The following NOX4 variants were observed in gnomAD, a reference collection of about 807,000 sequenced individuals.
The protein encoded by NOX4 is NADPH oxidase 4, also known as kidney oxidase-1.
NOX4 carries 69 observed loss-of-function variants against 87.6 expected under a neutral mutation model. The observed-to-expected ratio is 0.79, with a 90% CI of 0.65 to 0.96. The LOEUF is 0.96. NOX4 is among the 40% of genes least tolerant of loss of function. The probability of loss-of-function intolerance (pLI) is 0.00; values close to 1 mark genes in which losing one functional copy is unlikely to be tolerated. For synonymous variants in NOX4, 275 were observed against 238.2 expected (o/e 1.15, Z -1.42); for missense variants, 680 against 681.5 (o/e 1.00, Z 0.02).
At chr11:89,398,146 G>T (rs1358213896) in intron 11 of NOX4, among the ~76,000 whole-genome samples, 2 of 150,920 alleles carry the variant, frequency 1.3e-5, no homozygotes, top group African/African-American at 4.9e-5. Context: ...TCCCTGGGAT[G>T]CAAGGCTGGT....
chr11:89,507,799 G>C, the NOX4 span, among the ~76,000 whole-genome samples: 1 of 151,724 alleles, frequency 6.6e-6, no homozygotes. Context: ...TTCAGGATAG[G>C]TAAGCTTCTA....
intron 13 of NOX4, among the ~76,000 whole-genome samples, chr11:89,343,191 T>G (rs1250662670): frequency 6.6e-6 from 1 of 152,158 alleles, no homozygotes; most frequent in African/African-American, 2.4e-5. Context: ...GACAAATAAC[T>G]TTTCCTCTCT....
chr11:89,481,121 C>A (rs1253595900), intron 2 of NOX4, among the ~76,000 whole-genome samples: 2 of 151,936 alleles, frequency 1.3e-5, no homozygotes, highest in African/African-American at 4.8e-5. Context: ...TATTAAGCAC[C>A]CTTGTGAGCA....
At chr11:89,420,016 T>TA (rs1184649727) in intron 8 of NOX4, among the ~76,000 whole-genome samples, 1 of 152,066 alleles carries the variant, frequency 6.6e-6, no homozygotes, top group Non-Finnish European at 1.5e-5. Context: ...GCAGTAAAGA[T>TA]AAAGGCATTT....
intron 2 of NOX4, among the ~76,000 whole-genome samples, chr11:89,462,058 A>G (rs1945494104): frequency 6.6e-6 from 1 of 152,142 alleles, no homozygotes; most frequent in East Asian, 1.9e-4. Flanking sequence ...AAAGAAAGCT[A>G]GCTAACTGCA....
At chr11:89,588,334 C>G in the NOX4 span, among the ~76,000 whole-genome samples, 1 of 152,026 alleles carries the variant, frequency 6.6e-6, no homozygotes, top group African/African-American at 2.4e-5. Flanking sequence ...TTTTTTTAAC[C>G]AGGCTTTCAA....
In NOX4 at chr11:89,335,876, A is replaced by G. The variant is rs1200062449; in HGVS notation, c.1585T>C (p.Leu529=). 1.9e-6 allele frequency: 3 copies of G among 1,601,000 alleles called. No homozygotes were observed. Among genetic ancestry groups the G allele is most frequent in the East Asian group, 2.3e-5 (1 of 44,430 alleles). ...LFIGRPRWKL[L]FDEIAKYNRG... ...TTATATTTTGCTATTTCATCAAACAAAAGTTTCCACCGAGGACGTCCTATA... is the reference window on the plus strand; with the variant it reads ...TTATATTTTGCTATTTCATCAAACAGAAGTTTCCACCGAGGACGTCCTATA... Residue 529 remains leucine (L), a synonymous_variant, in exon 17 of 18, where the codon TTG becomes CTG. Coordinates refer to ENST00000263317, the MANE Select transcript of NOX4 (RefSeq NM_016931.5).
At chr11:89,401,163 T>C (rs1210749876) in intron 9 of NOX4, among the ~76,000 whole-genome samples, 1 of 152,048 alleles carries the variant, frequency 6.6e-6, no homozygotes, top group African/African-American at 2.4e-5. Flanking sequence ...ACTTTAGTTG[T>C]TTCAAATCTT....
At chr11:89,368,496 T>G (rs1939187407) in intron 12 of NOX4, among the ~76,000 whole-genome samples, 1 of 152,114 alleles carries the variant, frequency 6.6e-6, no homozygotes, top group Admixed American at 6.6e-5. Flanking sequence ...GGTGCCTTAC[T>G]GCTGTGTCCT....
At chr11:89,493,255 GGCGCCTGTAGTCCCA>G, upstream of NOX4, among the ~76,000 whole-genome samples, 1 of 152,214 alleles carries the variant, frequency 6.6e-6, no homozygotes, top group Non-Finnish European at 1.5e-5. Flanking sequence ...CGTGGTGGCA[GGCGCCTGTAGTCCCA>G]GCTATTCAGG....
the NOX4 span, among the ~76,000 whole-genome samples, chr11:89,556,530 G>A: frequency 1.3e-5 from 2 of 151,582 alleles, no homozygotes; most frequent in East Asian, 2.0e-4. Context: ...CAAGGGGAAG[G>A]GAGGGGAAGG....
At chr11:89,380,494 A>G (rs1035029047) in intron 11 of NOX4, among the ~76,000 whole-genome samples, 1 of 152,142 alleles carries the variant, frequency 6.6e-6, no homozygotes, top group Non-Finnish European at 1.5e-5. Context: ...AGGGAGCAGT[A>G]GCTAGAAGGG....
intron 2 of NOX4, among the ~76,000 whole-genome samples, chr11:89,461,464 G>T (rs1406499176): frequency 6.6e-6 from 1 of 151,784 alleles, no homozygotes; most frequent in Non-Finnish European, 1.5e-5. Flanking sequence ...CTAAGACAGT[G>T]AAACTCCGTC....
the NOX4 span, among the ~76,000 whole-genome samples, chr11:89,539,247 C>T: frequency 1.3e-5 from 2 of 152,070 alleles, no homozygotes; most frequent in African/African-American, 4.8e-5. Flanking sequence ...TCCTGGCTAA[C>T]ACGATGAAAA....
At chr11:89,410,903 G>C (rs1169323511) in intron 8 of NOX4, among the ~76,000 whole-genome samples, 2 of 152,118 alleles carry the variant, frequency 1.3e-5, no homozygotes, top group African/African-American at 4.8e-5. Context: ...AGCCAAGAGA[G>C]TGCTTGCACC....
At chr11:89,348,991 A>G (rs1335174492) in intron 13 of NOX4, among the ~76,000 whole-genome samples, 1 of 152,128 alleles carries the variant, frequency 6.6e-6, no homozygotes, top group Non-Finnish European at 1.5e-5. Context: ...TTACTATTAT[A>G]AACAAAAATA....
intron 2 of NOX4, among the ~76,000 whole-genome samples, chr11:89,452,826 T>C (rs1280366780): frequency 6.6e-6 from 1 of 152,142 alleles, no homozygotes; most frequent in African/African-American, 2.4e-5. Flanking sequence ...GCTATCCTCC[T>C]GCCTCAGCCT....
intron 13 of NOX4, among the ~76,000 whole-genome samples, chr11:89,343,522 T>C (rs1447405611): frequency 1.3e-5 from 2 of 151,998 alleles, no homozygotes; most frequent in East Asian, 1.9e-4. Flanking sequence ...AATAAGAAGA[T>C]AAAATTACTA....
chr11:89,364,498 G>A (rs1413791249), intron 12 of NOX4, among the ~76,000 whole-genome samples: 1 of 151,834 alleles, frequency 6.6e-6, no homozygotes, highest in Admixed American at 6.6e-5. Flanking sequence ...CAAATATTAA[G>A]GCCATGTCAA....
Sources: allele counts gnomAD v4.1 joint callset (sites outside exome capture counted in the v4.1 genomes callset), GRCh38; gene constraint gnomAD v4.1.1; transcripts MANE v1.5; gene names NCBI Gene and HGNC (gene_info 2026-07-23, HGNC 2026-07-21).